SGCD: variants seen among roughly 807,000 people sequenced by gnomAD.
SGCD encodes delta-sarcoglycan.
SGCD carries 18 observed loss-of-function variants against 36.6 expected under a neutral mutation model. The observed-to-expected ratio is 0.49, with a 90% CI of 0.34 to 0.73. SGCD has a LOEUF of 0.73. Ranked by LOEUF, SGCD falls within the 30% of genes least tolerant of loss-of-function variation. The pLI is 0.01. For missense variants in SGCD, 387 were observed against 346.7 expected (o/e 1.12, Z -0.92); for synonymous variants, 133 against 130.6 (o/e 1.02, Z -0.12).
At chr5:156,316,259 G>T (rs909034235) in intron 3 of SGCD, among the ~76,000 whole-genome samples, 2 of 151,810 alleles carry the variant, frequency 1.3e-5, no homozygotes, top group African/African-American at 4.8e-5. Flanking sequence ...CCAAGAAAGT[G>T]CAATATCTAT....
At chr5:156,194,853 T>C (rs1174966980) in intron 3 of SGCD, among the ~76,000 whole-genome samples, 2 of 152,100 alleles carry the variant, frequency 1.3e-5, no homozygotes, top group Non-Finnish European at 2.9e-5. Context: ...ATAGGAATTA[T>C]AACATAAGAA....
At chr5:156,567,598 A>C (rs1206137077) in intron 4 of SGCD, among the ~76,000 whole-genome samples, 3 of 152,100 alleles carry the variant, frequency 2.0e-5, no homozygotes, top group Non-Finnish European at 4.4e-5. Context: ...TAGGCCTTCA[A>C]CTGAATCTAT....
chr5:156,659,888 C>T (rs1763835108), intron 7 of SGCD, among the ~76,000 whole-genome samples: 1 of 146,352 alleles, frequency 6.8e-6, no homozygotes, highest in South Asian at 2.2e-4. Flanking sequence ...TTGGACACGA[C>T]TGAGTTTGTC....
chr5:155,936,869 G>A (rs923855360), intron 1 of SGCD, among the ~76,000 whole-genome samples: 3 of 152,216 alleles, frequency 2.0e-5, no homozygotes, highest in African/African-American at 7.2e-5. Flanking sequence ...CATGCTCCTT[G>A]GTGGCTAAAT....
the SGCD span, among the ~76,000 whole-genome samples, chr5:155,769,811 G>A: frequency 3.9e-5 from 6 of 152,204 alleles, no homozygotes; most frequent in East Asian, 1.2e-3. Context: ...TGTACTCACG[G>A]CACAGTAATC....
At chr5:156,046,869 C>T (rs1759778825) in intron 1 of SGCD, among the ~76,000 whole-genome samples, 1 of 152,110 alleles carries the variant, frequency 6.6e-6, no homozygotes, top group South Asian at 2.1e-4. Flanking sequence ...GAAGGCATGT[C>T]TAAAGCCAGA....
Position 156,494,844 on chromosome 5 carries a change from C to T in SGCD, c.193-13757C>T, listed in dbSNP as rs1334042644. ...CTTGGTGATCCTCAAATGTACCATA[C>T]TCATTCTCCCTGTACTCAGACCTTC... On this transcript the variant is annotated intron_variant, in intron 3 of 8. Transcript: ENST00000337851. Among the ~76,000 whole-genome samples the T allele has an allele frequency of 4.6e-5, 7 of 152,260 alleles. No homozygotes were observed. The East Asian group carries it at 1.2e-3, about 25-fold the overall frequency.
At chr5:155,893,866 G>T (rs1756190998) in intron 1 of SGCD, among the ~76,000 whole-genome samples, 1 of 152,210 alleles carries the variant, frequency 6.6e-6, no homozygotes, top group African/African-American at 2.4e-5. Context: ...AGGCAATATG[G>T]TAAAGCCTGT....
intron 3 of SGCD, among the ~76,000 whole-genome samples, chr5:156,282,082 T>A (rs1473659914): frequency 6.6e-6 from 1 of 152,128 alleles, no homozygotes; most frequent in Non-Finnish European, 1.5e-5. Flanking sequence ...TCTGAAATGT[T>A]AAGTCTTGTT....
chr5:156,251,203 A>G (rs1765567754), intron 3 of SGCD, among the ~76,000 whole-genome samples: 1 of 152,222 alleles, frequency 6.6e-6, no homozygotes, highest in South Asian at 2.1e-4. Flanking sequence ...TTTAGGCAGC[A>G]GAATTACAGA....
At chr5:156,366,336 G>A (rs369466136) in intron 3 of SGCD, among the ~76,000 whole-genome samples, 6 of 152,288 alleles carry the variant, frequency 3.9e-5, no homozygotes, top group African/African-American at 1.4e-4. Context: ...GGTGGAACAG[G>A]GCAGGGTCAT....
intron 4 of SGCD, among the ~76,000 whole-genome samples, chr5:156,524,566 C>T (rs1757569200): frequency 6.6e-6 from 1 of 151,776 alleles, no homozygotes; most frequent in Non-Finnish European, 1.5e-5. Flanking sequence ...TTCACCACCT[C>T]ACATAATTGC....
At chr5:156,415,593 T>G (rs1290270614) in intron 3 of SGCD, among the ~76,000 whole-genome samples, 1 of 152,158 alleles carries the variant, frequency 6.6e-6, no homozygotes, top group African/African-American at 2.4e-5. Context: ...TGGCCATAAT[T>G]CCGCATTTTA....
At chr5:156,068,407 A>G (rs1760407246) in intron 1 of SGCD, among the ~76,000 whole-genome samples, 1 of 152,084 alleles carries the variant, frequency 6.6e-6, no homozygotes, top group Admixed American at 6.6e-5. Flanking sequence ...TTTACTGAGA[A>G]TGATGATTTC....
At chr5:156,501,737 C>T (rs890216365) in intron 3 of SGCD, among the ~76,000 whole-genome samples, 8 of 152,172 alleles carry the variant, frequency 5.3e-5, no homozygotes, top group African/African-American at 1.9e-4. Context: ...GAGTTGAGTA[C>T]CGCACCCTGT....
intron 1 of SGCD, among the ~76,000 whole-genome samples, chr5:156,005,070 C>G (rs866286943): frequency 6.6e-6 from 1 of 152,290 alleles, no homozygotes; most frequent in South Asian, 2.1e-4. Flanking sequence ...ACTGGAGCCA[C>G]TTTGGGCACA....
the SGCD span, among the ~76,000 whole-genome samples, chr5:155,739,874 A>G: frequency 6.6e-6 from 1 of 152,150 alleles, no homozygotes; most frequent in Non-Finnish European, 1.5e-5. Flanking sequence ...ATTTAAACTT[A>G]TAGATTTTTA....
chr5:155,818,774 G>A, the SGCD span, among the ~76,000 whole-genome samples: 1 of 152,128 alleles, frequency 6.6e-6, no homozygotes, highest in Non-Finnish European at 1.5e-5. Flanking sequence ...TCCCACCCTG[G>A]CCTCCCAACA....
intron 3 of SGCD, among the ~76,000 whole-genome samples, chr5:156,148,231 C>A (rs1277296372): frequency 1.3e-5 from 2 of 152,098 alleles, no homozygotes; most frequent in African/African-American, 4.8e-5. Flanking sequence ...CAAAATATGC[C>A]ATGATTTTGA....
Sources: gnomAD v4.1 joint callset for allele counts (sites outside exome capture counted in the v4.1 genomes callset) on GRCh38, gnomAD v4.1.1 for gene constraint, MANE v1.5 for transcripts, NCBI Gene and HGNC (gene_info 2026-07-23, HGNC 2026-07-21) for gene names.